Variants in DAB1 observed in about 807,000 individuals in gnomAD.
DAB1 encodes DAB adaptor protein 1.
In DAB1, 15 loss-of-function variants were observed where a neutral mutation model predicts 64.6. The ratio of observed to expected loss-of-function variants is 0.23; its 90% confidence interval spans 0.16 to 0.36. DAB1 has a LOEUF of 0.36. Ranked by LOEUF, DAB1 falls within the 10% of genes least tolerant of loss-of-function variation. DAB1 has a pLI of 1.00. For missense variants in DAB1, 596 were observed against 706.7 expected (o/e 0.84, Z 1.78); for synonymous variants, 235 against 251.9 (o/e 0.93, Z 0.64).
In DAB1 at chr1:57,053,749, A is replaced by G. The variant is rs183307881; in HGVS notation, c.723+9135T>C. Among the ~76,000 whole-genome samples, 1,045 of 139,818 alleles carry G rather than the reference A, an allele frequency of 7.5e-3. 7 individuals are homozygous for G. Among genetic ancestry groups the G allele is most frequent in the Non-Finnish European group, 0.011 (729 of 66,124 alleles). 91.7% of individuals were successfully genotyped at this position (139,818 alleles called of 152,430 possible). A position where few individuals can be genotyped will look rare whatever the true frequency, so the allele number is the denominator to read the frequency against. Reference sequence around the variant, plus strand: ...ATCGCCCAGGCTGGAGTGCAGTGGCATGATCTCGGCTCACTGAAACCTCCG... The same window carrying G: ...ATCGCCCAGGCTGGAGTGCAGTGGCGTGATCTCGGCTCACTGAAACCTCCG... On this transcript the variant is annotated intron_variant, in intron 9 of 14. Coordinates refer to ENST00000371236, the MANE Select transcript of DAB1 (RefSeq NM_001365792.1).
At chr1:58,402,745 A>C (rs1432007046) in intron 3 of DAB1, among the ~76,000 whole-genome samples, 1 of 152,230 alleles carries the variant, frequency 6.6e-6, no homozygotes, top group Non-Finnish European at 1.5e-5. Flanking sequence ...ACTAGGCACT[A>C]TGCTAGGAGC....
chr1:57,851,185 CAA>C (rs1653508347), intron 1 of DAB1, among the ~76,000 whole-genome samples: 1 of 152,204 alleles, frequency 6.6e-6, no homozygotes, highest in Admixed American at 6.5e-5. Context: ...ACAATAGTTA[CAA>C]AGACCACATG....
intron 7 of DAB1, among the ~76,000 whole-genome samples, chr1:57,547,267 T>C (rs1644866810): frequency 6.7e-6 from 1 of 149,334 alleles, no homozygotes; most frequent in African/African-American, 2.6e-5. Context: ...AGCATGTGTA[T>C]TGGGTGAACT....
At chr1:58,545,008 TAC>T (rs1215537014) in intron 1 of DAB1, among the ~76,000 whole-genome samples, 16 of 152,276 alleles carry the variant, frequency 1.1e-4, no homozygotes, top group Admixed American at 7.8e-4. Flanking sequence ...GTGTTGGGAT[TAC>T]AGTCATGAGC....
intron 4 of DAB1, among the ~76,000 whole-genome samples, chr1:58,246,886 G>A (rs542221211): frequency 2.0e-5 from 3 of 152,116 alleles, no homozygotes; most frequent in African/African-American, 7.2e-5. Context: ...GTGTGGGTGT[G>A]AGGGTAGTGT....
At chr1:58,538,924 G>A (rs1250637279) in intron 1 of DAB1, 1 of 872,892 alleles carries the variant, frequency 1.1e-6, no homozygotes, top group South Asian at 1.3e-5. Context: ...AGGGCTTAGA[G>A]GATGCAATAC....
chr1:58,358,530 G>T (rs1644132528), intron 3 of DAB1, among the ~76,000 whole-genome samples: 1 of 152,082 alleles, frequency 6.6e-6, no homozygotes, highest in Admixed American at 6.6e-5. Flanking sequence ...AAGCAATCCG[G>T]TCCCCCTCTA....
At chr1:57,095,394 G>C (rs1247972417) in intron 4 of DAB1, among the ~76,000 whole-genome samples, 1 of 152,222 alleles carries the variant, frequency 6.6e-6, no homozygotes, top group Non-Finnish European at 1.5e-5. Context: ...CAGAGAACTG[G>C]AGAAGGAAGT....
chr1:57,253,196 T>C (rs953211657), intron 2 of DAB1, among the ~76,000 whole-genome samples: 1 of 152,072 alleles, frequency 6.6e-6, no homozygotes, highest in Non-Finnish European at 1.5e-5. Flanking sequence ...TGCCTATGGA[T>C]GTGCATTAAC....
At chr1:57,241,812 T>G (rs1316122207) in intron 2 of DAB1, among the ~76,000 whole-genome samples, 3 of 152,194 alleles carry the variant, frequency 2.0e-5, no homozygotes, top group Non-Finnish European at 2.9e-5. Context: ...TCTAACCTGC[T>G]GGGCTTCAAA....
chr1:57,683,010 A>G (rs1252884534), intron 6 of DAB1, among the ~76,000 whole-genome samples: 3 of 152,102 alleles, frequency 2.0e-5, no homozygotes, highest in Non-Finnish European at 4.4e-5. Context: ...TTTCTTGGTG[A>G]TCTGGCAGTA....
chr1:58,514,465 G>T (rs145479666), intron 2 of DAB1, among the ~76,000 whole-genome samples: 1 of 152,138 alleles, frequency 6.6e-6, no homozygotes, highest in African/African-American at 2.4e-5. Context: ...GAATTTTGCT[G>T]TCTGTATTCA....
chr1:58,399,982 G>C (rs1644555910), intron 3 of DAB1, among the ~76,000 whole-genome samples: 2 of 152,024 alleles, frequency 1.3e-5, no homozygotes, highest in South Asian at 4.2e-4. Flanking sequence ...ACCAGCTCAA[G>C]CTAGCAAAAG....
chr1:57,465,678 A>G (rs935984473), intron 7 of DAB1, among the ~76,000 whole-genome samples: 1 of 152,340 alleles, frequency 6.6e-6, no homozygotes, highest in Non-Finnish European at 1.5e-5. Flanking sequence ...TTTTGTGTCA[A>G]AACTGGTATA....
chr1:58,520,374 C>T (rs1332926068), intron 2 of DAB1, among the ~76,000 whole-genome samples: 1 of 152,150 alleles, frequency 6.6e-6, no homozygotes, highest in Non-Finnish European at 1.5e-5. Context: ...AGAATAAGAA[C>T]ACAAACTTCC....
At position 58,140,890 on chromosome 1, in the gene DAB1, G is replaced by A. The variant is rs550076608; in HGVS notation, n.387+9621C>T. Among the ~76,000 whole-genome samples, 8 of 152,302 alleles carry A rather than the reference G, an allele frequency of 5.3e-5. No homozygotes were observed. The South Asian group carries it at 1.7e-3, about 32-fold the overall frequency. ...TGAGGCATAATAAGAACCAGCAGAG[G>A]ATGAGGAAACTCAATCTAAAAACCA... On this transcript the variant is annotated intron_variant and non_coding_transcript_variant, in intron 5 of 20. Coordinates refer to the DAB1 transcript ENST00000485760.
chr1:57,623,310 G>A (rs776074998), intron 7 of DAB1, among the ~76,000 whole-genome samples: 1 of 152,140 alleles, frequency 6.6e-6, no homozygotes, highest in Non-Finnish European at 1.5e-5. Flanking sequence ...CTTCAGCACC[G>A]AGGCAGGAAG....
intron 1 of DAB1, among the ~76,000 whole-genome samples, chr1:58,545,920 ACCCC>A (rs1646695481): frequency 6.6e-6 from 1 of 152,120 alleles, no homozygotes; most frequent in South Asian, 2.1e-4. Context: ...GTCAGACTAC[ACCCC>A]TTCACCCCGG....
At chr1:57,211,484 A>G (rs1017739578) in intron 2 of DAB1, among the ~76,000 whole-genome samples, 21 of 152,222 alleles carry the variant, frequency 1.4e-4, no homozygotes, top group Non-Finnish European at 5.9e-5. Flanking sequence ...GAGGTGCTGC[A>G]TTCAAATCCT....
Sources: allele counts gnomAD v4.1 joint callset (sites outside exome capture counted in the v4.1 genomes callset), GRCh38; gene constraint gnomAD v4.1.1; transcripts MANE v1.5; gene names NCBI Gene and HGNC (gene_info 2026-07-23, HGNC 2026-07-21).